DIP2C: variants seen among roughly 807,000 people sequenced by gnomAD.
DIP2C encodes disco-interacting protein 2 homolog C.
Under a neutral mutation model 192.4 loss-of-function variants are expected in DIP2C, and 33 were observed. That is an observed-to-expected ratio of 0.17 (90% CI 0.13 to 0.23). The LOEUF is 0.23. Ranked by LOEUF, DIP2C falls within the 10% of genes least tolerant of loss-of-function variation. DIP2C has a pLI of 1.00. For missense variants in DIP2C, 1,537 were observed against 2,110.1 expected (o/e 0.73, Z 5.32); for synonymous variants, 979 against 864.1 (o/e 1.13, Z -2.33).
At chr10:585,354 G>T (rs531234276) in intron 1 of DIP2C, among the ~76,000 whole-genome samples, 5 of 152,284 alleles carry the variant, frequency 3.3e-5, no homozygotes, top group Non-Finnish European at 7.3e-5. Flanking sequence ...TACTGAATTC[G>T]CTCAGAAGAC....
At chr10:593,284 C>T (rs541250271) in intron 1 of DIP2C, among the ~76,000 whole-genome samples, 3 of 152,252 alleles carry the variant, frequency 2.0e-5, no homozygotes, top group East Asian at 1.9e-4. Flanking sequence ...AATCTGACTT[C>T]AGAGCCTGCA....
At chr10:498,032 C>T (rs1403253370) in intron 1 of DIP2C, among the ~76,000 whole-genome samples, 2 of 127,700 alleles carry the variant, frequency 1.6e-5, no homozygotes, top group Admixed American at 8.5e-5. Flanking sequence ...CCACCACACC[C>T]GGCTAACAGT....
intron 31 of DIP2C, among the ~76,000 whole-genome samples, chr10:320,983 C>T (rs996394354): frequency 6.7e-6 from 1 of 148,934 alleles, no homozygotes; most frequent in African/African-American, 2.5e-5. Flanking sequence ...AGAGGAGAGT[C>T]CATCCAGGCC....
At chr10:643,499 G>A (rs1412158422) in intron 1 of DIP2C, among the ~76,000 whole-genome samples, 3 of 152,110 alleles carry the variant, frequency 2.0e-5, no homozygotes, top group Non-Finnish European at 4.4e-5. Context: ...GGGTGACAGA[G>A]TGAGACTCCA....
chr10:631,074 T>G (rs1339849016), intron 1 of DIP2C: 1 of 152,236 alleles, frequency 6.6e-6, no homozygotes, highest in Non-Finnish European at 1.5e-5. Context: ...GCCCCAACCC[T>G]GGAAGGGGGT....
chr10:474,507 C>T (rs560707472), intron 2 of DIP2C, among the ~76,000 whole-genome samples: 81 of 152,278 alleles, frequency 5.3e-4, no homozygotes, highest in African/African-American at 1.8e-3. Context: ...TTGGAGCCCC[C>T]GCCCCAGTCC....
In DIP2C at chr10:532,596, TGA is replaced by T. The variant is rs1305035158; in HGVS notation, c.86-46068_86-46067del. Among the ~76,000 whole-genome samples the T allele has an allele frequency of 5.4e-4, 69 of 128,374 alleles. 3 individuals carry two copies. Among genetic ancestry groups the T allele is most frequent in the African/African-American group, 9.6e-4 (29 of 30,316 alleles). The allele number at this position is 128,374 out of a possible 152,430, so 84.2% of individuals were successfully genotyped here. On this transcript the variant is annotated intron_variant, in intron 1 of 36. Transcript: ENST00000280886. Reference sequence around the variant, plus strand: ...ATGGGTGTGAGAGAGAGTATGGGTGTGAGAGAGAGTATGGGTGTGAGAGAGAG... The same window carrying T: ...ATGGGTGTGAGAGAGAGTATGGGTGTGAGAGAGTATGGGTGTGAGAGAGAG...
intron 1 of DIP2C, among the ~76,000 whole-genome samples, chr10:583,021 G>A (rs771747555): frequency 3.9e-5 from 6 of 152,170 alleles, no homozygotes; most frequent in South Asian, 2.1e-4. Context: ...AATACATGGC[G>A]ATTTATGGCA....
At chr10:656,276 T>C (rs1322049954) in intron 1 of DIP2C, among the ~76,000 whole-genome samples, 2 of 152,288 alleles carry the variant, frequency 1.3e-5, no homozygotes, top group African/African-American at 4.8e-5. Context: ...ATTTCTCCTA[T>C]TGTATACTAT....
At chr10:534,906 G>C (rs988549107) in intron 1 of DIP2C, among the ~76,000 whole-genome samples, 2 of 151,912 alleles carry the variant, frequency 1.3e-5, no homozygotes, top group Non-Finnish European at 2.9e-5. Context: ...TCGATCTCCT[G>C]ACCTCATGAT....
intron 1 of DIP2C, among the ~76,000 whole-genome samples, chr10:545,765 G>C (rs771090780): frequency 9.2e-5 from 14 of 152,098 alleles, no homozygotes; most frequent in Non-Finnish European, 1.3e-4. Context: ...TAGGGTGAGG[G>C]AGGGTGCAGT....
At chr10:479,834 C>T (rs1843457241) in intron 2 of DIP2C, among the ~76,000 whole-genome samples, 1 of 152,176 alleles carries the variant, frequency 6.6e-6, no homozygotes, top group Non-Finnish European at 1.5e-5. Context: ...AGTCGACGCT[C>T]ACTGGATGAG....
At chr10:311,493 C>CTGGGCAGGGAGGCACGGGTGTGA in intron 31 of DIP2C, 1 of 1,231,962 alleles carries the variant, frequency 8.1e-7, no homozygotes, top group Non-Finnish European at 1.0e-6. Context: ...GGCAGCGGGG[C>CTGGGCAGGGAGGCACGGGTGTGA]TGGGCAGGGA....
At chr10:476,995 A>C (rs1198607610) in intron 2 of DIP2C, among the ~76,000 whole-genome samples, 3 of 128,328 alleles carry the variant, frequency 2.3e-5, no homozygotes, top group African/African-American at 9.0e-5. Context: ...GGGCTCCCAC[A>C]GAGGGCTGGA....
At chr10:524,490 C>A (rs1389467766) in intron 1 of DIP2C, among the ~76,000 whole-genome samples, 2 of 151,984 alleles carry the variant, frequency 1.3e-5, no homozygotes, top group African/African-American at 2.4e-5. Context: ...CTTTTATATA[C>A]CTTACATATA....
intron 1 of DIP2C, among the ~76,000 whole-genome samples, chr10:597,128 G>A (rs1360084337): frequency 1.3e-5 from 2 of 152,238 alleles, no homozygotes; most frequent in Non-Finnish European, 2.9e-5. Context: ...AAAACAGCAA[G>A]GCGGGGAAGG....
rs796658409 is a variant in DIP2C, at chr10:320,819, G to A, written c.3924+6187C>T. Among the ~76,000 whole-genome samples, 50 of 152,288 alleles carry A rather than the reference G, an allele frequency of 3.3e-4. 1 individual carries two copies. The highest frequency in any genetic ancestry group is 9.1e-4 in the African/African-American group (38 of 41,562). ...AAACAGCTACTCACAGAGCAGAAGC[G>A]ACATGGACATGGTGATAAATAATTA... On this transcript the variant is annotated intron_variant, in intron 31 of 36. Coordinates refer to ENST00000280886, the MANE Select transcript of DIP2C (RefSeq NM_014974.3).
intron 29 of DIP2C, among the ~76,000 whole-genome samples, chr10:333,317 A>G (rs1191829572): frequency 1.3e-5 from 2 of 152,224 alleles, no homozygotes; most frequent in East Asian, 3.8e-4. Context: ...TAAAATGGTC[A>G]CTACTCTAGA....
At chr10:512,134 T>C (rs1336122201) in intron 1 of DIP2C, among the ~76,000 whole-genome samples, 1 of 152,262 alleles carries the variant, frequency 6.6e-6, no homozygotes, top group African/African-American at 2.4e-5. Context: ...CAATGTCGTG[T>C]TGACAATTTT....
Sources: gnomAD v4.1 joint callset for allele counts (sites outside exome capture counted in the v4.1 genomes callset) on GRCh38, gnomAD v4.1.1 for gene constraint, MANE v1.5 for transcripts, NCBI Gene and HGNC (gene_info 2026-07-23, HGNC 2026-07-21) for gene names.